The following LYN variants were observed in gnomAD, a reference collection of about 807,000 sequenced individuals.
LYN encodes tyrosine-protein kinase Lyn.
A neutral mutation model predicts 65.0 loss-of-function variants in LYN; 12 were observed. The ratio of observed to expected loss-of-function variants is 0.18; its 90% CI spans 0.12 to 0.30. The LOEUF (loss-of-function observed/expected upper bound fraction) is 0.30. Ranked by LOEUF, LYN falls within the 10% of genes least tolerant of loss-of-function variation. The probability of loss-of-function intolerance (pLI) is 1.00; values close to 1 mark genes in which losing one functional copy is unlikely to be tolerated. For missense variants in LYN, 380 were observed against 623.2 expected, an observed-to-expected ratio of 0.61 and a Z score of 4.16; for synonymous variants, 222 against 221.2, an observed-to-expected ratio of 1.00 and a Z score of -0.03.
chr8:55,947,571 C>T, intron 3 of LYN, 47 bp from the exon 4 acceptor site: 1 of 1,398,264 alleles, frequency 7.2e-7, no homozygotes, highest in Non-Finnish European at 1.0e-6. Flanking sequence ...TGTTAAAACG[C>T]TTCTGCTGAT....
intron 3 of LYN, 82 bp downstream of exon 3, chr8:55,946,575 A>ATT: frequency 1.2e-6 from 1 of 863,978 alleles, no homozygotes; most frequent in Non-Finnish European, 1.9e-6. Context: ...AAATGTTTTT[A>ATT]TTTTTTTTTA....
At chr8:55,918,599 A>G (rs2130427240) in intron 1 of LYN, among the ~76,000 whole-genome samples, 1 of 152,326 alleles carries the variant, frequency 6.6e-6, no homozygotes, top group East Asian at 1.9e-4. Context: ...ATCACCACAC[A>G]TAAGTGATGT....
chr8:55,892,396 G>A (rs951517086), intron 1 of LYN, among the ~76,000 whole-genome samples: 6 of 152,094 alleles, frequency 3.9e-5, no homozygotes, highest in Admixed American at 3.3e-4. Flanking sequence ...CTCCTGCCTG[G>A]GCGACAGAGC....
intron 8 of LYN, chr8:55,955,214 T>A (rs1807071251): frequency 6.6e-6 from 1 of 152,258 alleles, no homozygotes. Flanking sequence ...CTTTCTCCTG[T>A]TGGCCCCTCT....
At chr8:55,899,781 C>T (rs1396230043) in intron 1 of LYN, among the ~76,000 whole-genome samples, 1 of 152,190 alleles carries the variant, frequency 6.6e-6, no homozygotes, top group Non-Finnish European at 1.5e-5. Flanking sequence ...TCCCAAGTAG[C>T]TGGGATTGCA....
At chr8:55,953,388 C>T (rs770763726) in intron 7 of LYN, among the ~76,000 whole-genome samples, 3 of 152,132 alleles carry the variant, frequency 2.0e-5, no homozygotes, top group Non-Finnish European at 2.9e-5. Context: ...TGGCTCACAC[C>T]TGTAATCCAG....
At chr8:55,959,951 T>C (rs937324739) in intron 8 of LYN, among the ~76,000 whole-genome samples, 4 of 152,204 alleles carry the variant, frequency 2.6e-5, no homozygotes, top group Non-Finnish European at 4.4e-5. Context: ...TTATATGAAA[T>C]GTCCAGAATA....
intron 1 of LYN, among the ~76,000 whole-genome samples, chr8:55,938,152 A>G (rs1273648800): frequency 1.3e-5 from 2 of 152,250 alleles, no homozygotes; most frequent in Non-Finnish European, 2.9e-5. Context: ...AAGACTTTAT[A>G]GAAAGAGAAA....
chr8:55,991,791 G>T (rs780130542), intron 10 of LYN, among the ~76,000 whole-genome samples: 3 of 152,112 alleles, frequency 2.0e-5, no homozygotes, highest in Non-Finnish European at 4.4e-5. Context: ...TCAGTAAACC[G>T]CTTTTTAAAA....
intron 10 of LYN, among the ~76,000 whole-genome samples, chr8:55,984,045 C>G (rs1040921517): frequency 6.6e-6 from 1 of 152,142 alleles, no homozygotes; most frequent in Non-Finnish European, 1.5e-5. Context: ...TTGTTGACCG[C>G]ACTGCTCCTC....
intron 1 of LYN, among the ~76,000 whole-genome samples, chr8:55,887,217 G>A (rs1804823110): frequency 6.6e-6 from 1 of 152,230 alleles, no homozygotes. Flanking sequence ...CACTCTGGGA[G>A]CATGAGGCAG....
intron 9 of LYN, among the ~76,000 whole-genome samples, chr8:55,967,493 T>C (rs1807495881): frequency 6.6e-6 from 1 of 151,868 alleles, no homozygotes; most frequent in South Asian, 2.1e-4. Flanking sequence ...TTTTTGTATT[T>C]TTAGTAGAGA....
intron 8 of LYN, among the ~76,000 whole-genome samples, chr8:55,958,854 A>G (rs1807196400): frequency 6.6e-6 from 1 of 152,174 alleles, no homozygotes; most frequent in Non-Finnish European, 1.5e-5. Context: ...TTGTTTATTC[A>G]TCTATTGATG....
chr8:55,977,013 G>A (rs578096855), intron 10 of LYN, among the ~76,000 whole-genome samples: 39 of 151,774 alleles, frequency 2.6e-4, no homozygotes, highest in African/African-American at 8.5e-4. Flanking sequence ...GGTGAAACCC[G>A]GTCTCTACTA....
intron 1 of LYN, among the ~76,000 whole-genome samples, chr8:55,923,787 A>G (rs1373164805): frequency 2.6e-5 from 4 of 151,968 alleles, no homozygotes; most frequent in African/African-American, 7.3e-5. Context: ...TGATTTGCCT[A>G]CCTCGGCCTC....
At chr8:55,983,471 T>A (rs745784439) in intron 10 of LYN, among the ~76,000 whole-genome samples, 1 of 152,166 alleles carries the variant, frequency 6.6e-6, no homozygotes, top group Non-Finnish European at 1.5e-5. Flanking sequence ...AGCCTCCAGG[T>A]GTCTCCTCCC....
chr8:55,893,432 A>G (rs1805008913), intron 1 of LYN, among the ~76,000 whole-genome samples: 1 of 152,242 alleles, frequency 6.6e-6, no homozygotes, highest in African/African-American at 2.4e-5. Context: ...TTGTGAATTC[A>G]GTGATGCTGT....
chr8:55,949,478 G>T (rs774655064), intron 4 of LYN, among the ~76,000 whole-genome samples: 1 of 152,108 alleles, frequency 6.6e-6, no homozygotes, highest in African/African-American at 2.4e-5. Flanking sequence ...TTCTCCACCC[G>T]CCTTCACCAT....
At chr8:55,880,596 G>T (rs1804624916) in intron 1 of LYN, among the ~76,000 whole-genome samples, 1 of 152,200 alleles carries the variant, frequency 6.6e-6, no homozygotes, top group African/African-American at 2.4e-5. Flanking sequence ...GTGGGAGATG[G>T]GGCTCGGCCG....
Sources: allele counts gnomAD v4.1 joint callset (sites outside exome capture counted in the v4.1 genomes callset), GRCh38; gene constraint gnomAD v4.1.1; transcripts MANE v1.5; gene names NCBI Gene and HGNC (gene_info 2026-07-23, HGNC 2026-07-21).